The following SON variants were observed in gnomAD, a reference collection of about 807,000 sequenced individuals.
SON encodes SON DNA and RNA binding protein.
In SON, 4 loss-of-function variants were observed where a neutral mutation model predicts 173.3. The ratio of observed to expected loss-of-function variants is 0.02; its 90% CI spans 0.01 to 0.05. The LOEUF is 0.05. SON is among the 10% of genes least tolerant of loss of function. The probability of loss-of-function intolerance (pLI) is 1.00; values close to 1 mark genes in which losing one functional copy is unlikely to be tolerated. For synonymous variants in SON, 1,190 were observed against 1,105.9 expected, an observed-to-expected ratio of 1.08 and a Z score of -1.51; for missense variants, 2,626 against 3,055.3, an observed-to-expected ratio of 0.86 and a Z score of 3.31.
At position 33,575,700 on chromosome 21, in the gene SON, T is replaced by C. The variant is rs780795687; in HGVS notation, c.7105+33T>C. On this transcript the variant is annotated intron_variant, in intron 10 of 11. Transcript: ENST00000356577. ...CACGTTTTTGAATTTCCTCTTACCCTAATCCCACCTTGAATTCATTATTTG... is the reference window on the plus strand; with the variant it reads ...CACGTTTTTGAATTTCCTCTTACCCCAATCCCACCTTGAATTCATTATTTG... The C allele has an allele frequency of 7.6e-6, 12 of 1,584,828 alleles. No individual in the cohort carries two copies. The South Asian group carries it at 1.3e-4, about 18-fold the overall frequency.
rs1263479760 is a variant in SON, at chr21:33,567,183, T to G, written c.6684T>G (p.Ser2228Arg). ...SEPVDISTAM[S>R]ERALAQKRLS... The stretch of plus-strand genomic sequence containing the variant: ...CTGTGGACATCTCTACAGCAATGAG[T>G]GAACGGGCACTTGCTCAGAAAAGAC... Residue 2228 changes from serine (S) to arginine (R), a missense_variant, in exon 7 of 12, where the codon AGT (serine) becomes AGG (arginine). By Grantham distance (110) the Ser-to-Arg change is moderately radical (BLOSUM62 -1). Coordinates refer to ENST00000356577, the MANE Select transcript of SON (RefSeq NM_138927.4). 6.2e-7 allele frequency: 1 copy of G among 1,608,626 alleles called. No homozygotes were observed. The highest frequency in any genetic ancestry group is 8.5e-7 in the Non-Finnish European group (1 of 1,175,600).
chr21:33,567,994 G>A (rs953546858), intron 7 of SON, among the ~76,000 whole-genome samples: 2 of 152,170 alleles, frequency 1.3e-5, no homozygotes, highest in Admixed American at 1.3e-4. Context: ...CAAGCAATCT[G>A]AATCTGGAGT....
intron 8 of SON, chr21:33,569,544 C>T (rs1281900379): frequency 1.0e-5 from 4 of 401,724 alleles, no homozygotes; most frequent in African/African-American, 8.6e-5. Context: ...TTCCTCTATT[C>T]CTTTGCCCTC....
intron 8 of SON, among the ~76,000 whole-genome samples, chr21:33,570,459 C>A (rs1351796071): frequency 2.6e-5 from 4 of 152,046 alleles, no homozygotes; most frequent in African/African-American, 9.7e-5. Flanking sequence ...GAAGTAGTTG[C>A]ACTGATGTGT....
Position 33,546,399 on chromosome 21 carries a change from C to G in SON, c.244+20C>G, listed in dbSNP as rs577029304. On this transcript the variant is annotated intron_variant, in intron 2 of 11. Transcript: ENST00000356577. ...AGCCAGGTAAGTTGGAGATAATTAA[C>G]TGTCTCAAAAATTTTCTTTTAAGAT... The G allele has an allele frequency of 1.3e-6, 2 of 1,569,900 alleles. No individual in the cohort carries two copies. Among genetic ancestry groups the G allele is most frequent in the East Asian group, 2.3e-5 (1 of 43,720 alleles).
intron 6 of SON, among the ~76,000 whole-genome samples, chr21:33,562,299 G>C (rs777788322): frequency 3.3e-5 from 5 of 152,148 alleles, no homozygotes; most frequent in Non-Finnish European, 7.4e-5. Flanking sequence ...TTCCTTGTTA[G>C]AGTTTGAAAT....
At chr21:33,543,472 G>A (rs1823328659) in intron 1 of SON, 1 of 418,814 alleles carries the variant, frequency 2.4e-6, no homozygotes, top group Non-Finnish European at 4.4e-6. Context: ...TCGTAGGCCC[G>A]GTTGTCCGCC....
rs1437014705 is a variant in SON, at chr21:33,553,251, A to G, written c.4020A>G (p.Ala1340=). ...CAGCAGTAACTACTCCAGTGCTGGC[A>G]GAGAGCATTCTGGAGCCGCCAGCCA... ...LVPAVTTPVL[A]ESILEPPAMA... is the part of the protein sequence containing the mutation. Residue 1340 remains alanine (A), a synonymous_variant, in exon 3 of 12, where the codon GCA becomes GCG. Coordinates refer to ENST00000356577, the MANE Select transcript of SON (RefSeq NM_138927.4). 1.9e-6 allele frequency: 3 copies of G among 1,614,206 alleles called. No individual in the cohort carries two copies. In the Admixed American group the frequency reaches 5.0e-5, roughly 27 times the overall value.
Position 33,559,157 on chromosome 21 carries a change from G to T in SON, c.6322-73G>T. On this transcript the variant is annotated intron_variant, in intron 4 of 11. Transcript: ENST00000356577. The surrounding 1 kb of genome is among the most constrained non-coding windows in gnomAD (Gnocchi z 4.1). ...AACTTTGGAAAGTTGCTATTATGTG[G>T]TTTTGATTCTAAGAAATTACATGTT... The T allele has an allele frequency of 8.0e-7, 1 of 1,243,716 alleles. No homozygotes were observed. Among genetic ancestry groups the T allele is most frequent in the Non-Finnish European group, 1.1e-6 (1 of 916,528 alleles). The allele number at this position is 1,243,716 out of a possible 1,614,324, so 77.0% of individuals were successfully genotyped here.
At position 33,577,441 on chromosome 21, in the gene SON, T is replaced by C. The variant is rs2086427662; in HGVS notation, c.*1017T>C. On this transcript the variant is annotated 3_prime_UTR_variant, in exon 12 of 12. Transcript: ENST00000356577. ...TATGCTATGTCTCTAAACTTTATTT[T>C]CAAAAGCTTAAGGCCCAAATACAAA... 1 of 152,640 alleles carries C rather than the reference T, an allele frequency of 6.6e-6. No individual in the cohort carries two copies. The highest frequency in any genetic ancestry group is 1.5e-5 in the Non-Finnish European group (1 of 68,036). The allele number at this position is 152,640 out of a possible 1,614,324, so 9.5% of individuals were successfully genotyped here.
In SON at chr21:33,576,775, T is replaced by G; in HGVS notation, c.*351T>G. 1 of 375,400 alleles carries G rather than the reference T, an allele frequency of 2.7e-6. No homozygotes were observed. 23.3% of individuals were successfully genotyped at this position (375,400 alleles called of 1,614,324 possible). The stretch of plus-strand genomic sequence containing the variant: ...GGTATGTTTATATTGTTTACCTTAG[T>G]GATGTATTTGTTTAAGTGGCTAACA... On this transcript the variant is annotated 3_prime_UTR_variant, in exon 12 of 12. Transcript: ENST00000356577.
intron 3 of SON, 151 bp from the exon 4 acceptor site, chr21:33,557,005 G>C: frequency 1.5e-6 from 1 of 654,640 alleles, no homozygotes; most frequent in Non-Finnish European, 2.4e-6. Flanking sequence ...GATGCCTATA[G>C]TTTTTTCCTT....
chr21:33,547,938 T>C (rs2085662347), intron 2 of SON, among the ~76,000 whole-genome samples: 4 of 151,786 alleles, frequency 2.6e-5, no homozygotes. Context: ...TTAGCCAGGA[T>C]GGTCTTGATC....
intron 8 of SON, among the ~76,000 whole-genome samples, chr21:33,570,679 C>G (rs761142170): frequency 6.6e-6 from 1 of 152,128 alleles, no homozygotes; most frequent in Non-Finnish European, 1.5e-5. Flanking sequence ...AAATGTACAT[C>G]TATTTCTTTA....
In SON at chr21:33,550,770, G is replaced by A; in HGVS notation, c.1539G>A (p.Leu513=). The change falls in exon 3 of 12, where the codon TTG becomes TTA. Residue 513 remains leucine, a synonymous_variant. Coordinates refer to ENST00000356577, the MANE Select transcript of SON (RefSeq NM_138927.4). ...LTEQPVTTTE[L]EQPVGMTTVE... ...AACAACCTGTGACGACGACAGAGTT[G>A]GAGCAGCCTGTGGGGATGACAACGG... is the stretch of plus-strand genomic sequence containing the variant. 6.2e-7 allele frequency: 1 copy of A among 1,614,196 alleles called. No homozygotes were observed. The highest frequency in any genetic ancestry group is 8.5e-7 in the Non-Finnish European group (1 of 1,180,018).
At position 33,552,471 on chromosome 21, in the gene SON, T is replaced by C. The variant is rs769423639; in HGVS notation, c.3240T>C (p.Asp1080=). 2 of 1,613,984 alleles carry C rather than the reference T, an allele frequency of 1.2e-6. No individual in the cohort carries two copies. Among genetic ancestry groups the C allele is most frequent in the Non-Finnish European group, 1.7e-6 (2 of 1,179,984 alleles). Residue 1080 remains aspartate, a synonymous_variant, in exon 3 of 12, where the codon GAT becomes GAC. Coordinates refer to ENST00000356577, the MANE Select transcript of SON (RefSeq NM_138927.4). This position sits in a 1 kb window ranked among gnomAD's most constrained non-coding sequence, Gnocchi z 5.6. ...GCTCCATGATGTCCCCAATGGCTGA[T>C]CGATCTATGATGTCCATGGGTGCTG... ...YERSMMSPMA[D]RSMMSMGADR...
At position 33,551,060 on chromosome 21, in the gene SON, G is replaced by T. The variant is rs781604164; in HGVS notation, c.1829G>T (p.Gly610Val). Reference sequence around the variant, plus strand: ...GCAGCTGGGGCACTGGAGTTCTCGGGGCAGTCTGGGGCAGCTGGAGCACTG... The same window carrying T: ...GCAGCTGGGGCACTGGAGTTCTCGGTGCAGTCTGGGGCAGCTGGAGCACTG... The part of the protein sequence containing the change: ...LMAAGALEFS[G>V]QSGAAGALEL... The change falls in exon 3 of 12, where the codon GGG (glycine) becomes GTG (valine). Residue 610 changes from glycine (G) to valine (V), a missense_variant. By Grantham distance (109) the Gly-to-Val change is moderately radical. Around this residue, in one of 13 missense-constraint regions of SON, gnomAD observed 12 missense variants for 31.9 expected, o/e 0.38. Coordinates refer to ENST00000356577, the MANE Select transcript of SON (RefSeq NM_138927.4). 1.2e-6 allele frequency: 2 copies of T among 1,612,342 alleles called. No individual in the cohort carries two copies. The highest frequency in any genetic ancestry group is 3.3e-5 in the Admixed American group (2 of 59,726).
In SON at chr21:33,554,386, T is replaced by A. The variant is rs747561241; in HGVS notation, c.5155T>A (p.Ser1719Thr). ...PPPPKETLPD[S>T]GFSANIEDIN... Reference sequence around the variant, plus strand: ...CCCTCCTAAAGAGACACTGCCTGATTCAGGATTTTCTGCCAATATTGAGGA... The same window carrying A: ...CCCTCCTAAAGAGACACTGCCTGATACAGGATTTTCTGCCAATATTGAGGA... The change falls in exon 3 of 12, where the codon TCA becomes ACA. Residue 1719 changes from serine (S) to threonine (T), a missense_variant. Ser to Thr is a moderately conservative substitution (Grantham distance 58). Transcript: ENST00000356577. 14 of 1,614,036 alleles carry A rather than the reference T, an allele frequency of 8.7e-6. No individual in the cohort carries two copies. The highest frequency in any genetic ancestry group is 1.7e-5 in the Admixed American group (1 of 60,000).
rs267606112 is a variant in SON at position 33,575,815 on chromosome 21, T to C, written c.7143T>C (p.Asn2381=). 3.7e-6 allele frequency: 6 copies of C among 1,612,624 alleles called. No homozygotes were observed. The highest frequency in any genetic ancestry group is 1.7e-5 in the Admixed American group (1 of 59,990). The change falls in exon 11 of 12, where the codon AAT becomes AAC. Residue 2381 remains asparagine (N), a synonymous_variant. Transcript: ENST00000356577. The part of the protein sequence containing the change: ...HPVSALMEIC[N]KRRWQPPEFL... ...TGTCTGCTTTGATGGAGATCTGTAA[T>C]AAAAGAAGGTGGCAACCACCTGAAT...
Sources: gnomAD v4.1 joint callset for allele counts (sites outside exome capture counted in the v4.1 genomes callset) on GRCh38, gnomAD v4.1.1 for gene constraint, gnomAD v4.1.1 regional missense constraint, Gnocchi (gnomAD v3.1) non-coding constraint, MANE v1.5 for transcripts, NCBI Gene and HGNC (gene_info 2026-07-23, HGNC 2026-07-21) for gene names.